BOC: variants seen among roughly 807,000 people sequenced by gnomAD.
BOC encodes the protein BOC cell adhesion associated, oncogene regulated.
Under a neutral mutation model 112.0 loss-of-function variants are expected in BOC, and 76 were observed. The ratio of observed to expected loss-of-function variants is 0.68; its 90% CI spans 0.56 to 0.82. The LOEUF (loss-of-function observed/expected upper bound fraction) is 0.82, where lower values mean the gene tolerates loss of function less well. Among genes scored for constraint, BOC ranks in the 40% least tolerant of loss-of-function variants. BOC has a pLI of 0.00. For missense variants in BOC, 1,309 were observed against 1,511.7 expected (o/e 0.87, Z 2.22); for synonymous variants, 580 against 599.8 (o/e 0.97, Z 0.48).
At chr3:113,253,227 C>T (rs1027752751) in intron 4 of BOC, among the ~76,000 whole-genome samples, 2 of 152,102 alleles carry the variant, frequency 1.3e-5, no homozygotes, top group Non-Finnish European at 2.9e-5. Flanking sequence ...GATAAGCATT[C>T]TCCATTGGCC....
intron 19 of BOC, among the ~76,000 whole-genome samples, chr3:113,286,289 A>C (rs1328956165): frequency 6.6e-6 from 1 of 152,178 alleles, no homozygotes; most frequent in Non-Finnish European, 1.5e-5. Flanking sequence ...GGACCGTGTC[A>C]ATCTGGGGGG....
chr3:113,281,238 TG>T, intron 15 of BOC, 85 bp downstream of exon 15: 1 of 1,491,810 alleles, frequency 6.7e-7, no homozygotes, highest in Admixed American at 2.0e-5. Context: ...TGTGCGGTGC[TG>T]GGCCTCTTTC....
chr3:113,239,104 A>C (rs1943954066), intron 2 of BOC, among the ~76,000 whole-genome samples: 1 of 152,266 alleles, frequency 6.6e-6, no homozygotes, highest in East Asian at 1.9e-4. Context: ...GGAAGACAGC[A>C]TCAAACAAAG....
In BOC at chr3:113,279,852, T is replaced by C; in HGVS notation, c.2052T>C (p.Ala684=). The C allele has an allele frequency of 6.2e-7, 1 of 1,611,440 alleles. No homozygotes were observed. ...CCTCCTACAAGTTTCGAGTCCGGGCTCTGAACATGCTGGGGGAGAGCGAGC... is the reference window on the plus strand; with the variant it reads ...CCTCCTACAAGTTTCGAGTCCGGGCCCTGAACATGCTGGGGGAGAGCGAGC... ...KGTSYKFRVR[A]LNMLGESEPS... The change falls in exon 13 of 20, where the codon GCT becomes GCC. Residue 684 remains alanine (A), a synonymous_variant. Coordinates refer to ENST00000682979, the MANE Select transcript of BOC (RefSeq NM_001378074.1).
intron 2 of BOC, among the ~76,000 whole-genome samples, chr3:113,233,151 GTGTGTGTGTGT>G (rs1942918450): frequency 1.2e-5 from 1 of 81,306 alleles, no homozygotes; most frequent in African/African-American, 6.7e-5. Context: ...GGATTGGGGT[GTGTGTGTGTGT>G]GTGTGTGTGT....
At chr3:113,286,523 C>A (rs371081988) in intron 19 of BOC, 152 bp from the exon 20 acceptor site, 9 of 677,724 alleles carry the variant, frequency 1.3e-5, no homozygotes, top group Admixed American at 2.8e-5. Context: ...TTGGAGGGAA[C>A]AGAAGTGCCC....
chr3:113,225,191 T>C (rs1941452967), intron 2 of BOC, among the ~76,000 whole-genome samples: 1 of 151,454 alleles, frequency 6.6e-6, no homozygotes, highest in Admixed American at 6.6e-5. Context: ...CAAGAATCAC[T>C]TGAACCCAGG....
In BOC at chr3:113,270,892, A is replaced by G. The variant is rs1193470915; in HGVS notation, c.615A>G (p.Pro205=). 1 of 1,614,098 alleles carries G rather than the reference A, an allele frequency of 6.2e-7. No homozygotes were observed. The highest frequency in any genetic ancestry group is 1.3e-5 in the African/African-American group (1 of 74,944). The change falls in exon 6 of 20, where the codon CCA becomes CCG. Residue 205 remains proline, a synonymous_variant. Coordinates refer to ENST00000682979, the MANE Select transcript of BOC (RefSeq NM_001378074.1). The part of the protein sequence containing the change: ...EGMYKCAAYN[P]VTQEVKTSGS... ...TGTACAAGTGTGCAGCCTACAACCC[A>G]GTGACCCAGGAAGTGAAAACCTCCG...
chr3:113,233,255 G>T (rs987781124), intron 2 of BOC, among the ~76,000 whole-genome samples: 1 of 148,368 alleles, frequency 6.7e-6, no homozygotes, highest in Non-Finnish European at 1.5e-5. Flanking sequence ...AGAAAGACAG[G>T]CCAAGATGCA....
rs756244295 is a variant in BOC, at chr3:113,250,601, G to A, written c.144G>A (p.Lys48=). 2 of 1,614,180 alleles carry A rather than the reference G, an allele frequency of 1.2e-6. No individual in the cohort carries two copies. Among genetic ancestry groups the A allele is most frequent in the South Asian group, 2.2e-5 (2 of 91,078 alleles). The change falls in exon 4 of 20, where the codon AAG becomes AAA. Residue 48 remains lysine (K), a synonymous_variant. Transcript: ENST00000682979. The stretch of plus-strand genomic sequence containing the variant: ...TCCAGCCTGCGTCCACCGTCCAGAA[G>A]CCCGGAGGCACTGTGATCTTGGGCT... ...VTVQPASTVQ[K]PGGTVILGCV...
chr3:113,277,781 T>A (rs1948803113), intron 9 of BOC, among the ~76,000 whole-genome samples: 1 of 152,238 alleles, frequency 6.6e-6, no homozygotes, highest in South Asian at 2.1e-4. Context: ...GGAGATTCTT[T>A]GAAATACAGG....
chr3:113,244,884 G>A (rs73855922), intron 2 of BOC, among the ~76,000 whole-genome samples: 180 of 152,324 alleles, frequency 1.2e-3, no homozygotes, highest in African/African-American at 4.2e-3. Flanking sequence ...TTTCTAGCCA[G>A]TTGATTAAAG....
chr3:113,226,185 G>A (rs529342893), intron 2 of BOC, among the ~76,000 whole-genome samples: 10 of 152,256 alleles, frequency 6.6e-5, no homozygotes, highest in African/African-American at 2.4e-4. Flanking sequence ...TAAATATCTT[G>A]TAATACATGA....
chr3:113,278,923 G>A lies in BOC; in HGVS notation c.1816+140G>A. The A allele has an allele frequency of 1.4e-6, 1 of 738,388 alleles. No homozygotes were observed. Among genetic ancestry groups the A allele is most frequent in the East Asian group, 2.7e-5 (1 of 37,012 alleles). 45.7% of individuals were successfully genotyped at this position (738,388 alleles called of 1,614,324 possible). A position where few individuals can be genotyped will look rare whatever the true frequency, so the allele number is the denominator to read the frequency against. ...TCCCAGTTAACCACAATGAGGAAAT[G>A]TAGTTTGGAGCTTTTTAAATAAAAG... is the stretch of plus-strand genomic sequence containing the variant. On this transcript the variant is annotated intron_variant, in intron 11 of 19. Transcript: ENST00000682979. The surrounding 1 kb of genome is among the most constrained non-coding windows in gnomAD (Gnocchi z 4.2).
intron 3 of BOC, among the ~76,000 whole-genome samples, chr3:113,250,108 A>G (rs1321822675): frequency 6.7e-6 from 1 of 149,046 alleles, no homozygotes; most frequent in African/African-American, 2.6e-5. Context: ...TTTCAAAGCT[A>G]TACCGGAGGA....
At chr3:113,228,299 T>A (rs1356438460) in intron 2 of BOC, among the ~76,000 whole-genome samples, 1 of 148,798 alleles carries the variant, frequency 6.7e-6, no homozygotes, top group Non-Finnish European at 1.5e-5. Flanking sequence ...GGCCCATTAT[T>A]CGAATCCTAG....
At chr3:113,273,787 T>C (rs570497799) in intron 8 of BOC, among the ~76,000 whole-genome samples, 1 of 152,266 alleles carries the variant, frequency 6.6e-6, no homozygotes, top group Admixed American at 6.5e-5. Flanking sequence ...CAGCAATGAA[T>C]ATAATACGAT....
At position 113,273,322 on chromosome 3, in the gene BOC, G is replaced by T; in HGVS notation, c.1215G>T (p.Gln405His). 1 of 1,592,526 alleles carries T rather than the reference G, an allele frequency of 6.3e-7. No homozygotes were observed. Among genetic ancestry groups the T allele is most frequent in the Non-Finnish European group, 8.6e-7 (1 of 1,162,954 alleles). ...TTGGGAGCGCCCATGCCGTAGTCCA[G>T]CTGCGGACCTCCAGGCCAAGTGAGT... Reference protein sequence around the residue: ...NEVGSAHAVVQLRTSRPSITP... With the variant: ...NEVGSAHAVVHLRTSRPSITP... The change falls in exon 8 of 20, where the codon CAG (glutamine) becomes CAT (histidine). Residue 405 changes from glutamine (Q) to histidine (H), a missense_variant. Physicochemically the swap from Gln to His is conservative, Grantham distance 24 (BLOSUM62 0). Transcript: ENST00000682979.
intron 18 of BOC, 74 bp downstream of exon 18, chr3:113,284,932 C>A: frequency 7.2e-7 from 1 of 1,380,210 alleles, no homozygotes; most frequent in Non-Finnish European, 1.0e-6. Flanking sequence ...AATCCAAGGC[C>A]TGTCACTGAG....
Sources: allele counts gnomAD v4.1 joint callset (sites outside exome capture counted in the v4.1 genomes callset), GRCh38; gene constraint gnomAD v4.1.1; non-coding constraint Gnocchi (gnomAD v3.1); transcripts MANE v1.5; gene names NCBI Gene and HGNC (gene_info 2026-07-23, HGNC 2026-07-21).